The following SPATS2 variants were observed in gnomAD, a reference collection of about 807,000 sequenced individuals.
SPATS2 encodes the protein spermatogenesis-associated serine-rich protein 2.
A neutral mutation model predicts 63.7 loss-of-function variants in SPATS2; 38 were observed. The ratio of observed to expected loss-of-function variants is 0.60; its 90% CI spans 0.46 to 0.78. The LOEUF (loss-of-function observed/expected upper bound fraction) is 0.78, where lower values mean the gene tolerates loss of function less well. SPATS2 is among the 30% of genes least tolerant of loss of function. The pLI, the probability that SPATS2 is intolerant of heterozygous loss-of-function variation, is 0.00. For synonymous variants in SPATS2, 207 were observed against 232.9 expected, an observed-to-expected ratio of 0.89 and a Z score of 1.01; for missense variants, 588 against 666.2, an observed-to-expected ratio of 0.88 and a Z score of 1.29.
chr12:49,494,672 T>C, intron 6 of SPATS2, 69 bp from the exon 7 acceptor site: 1 of 1,402,078 alleles, frequency 7.1e-7, no homozygotes. Context: ...TAGCTAGAGT[T>C]ACCTCTCTAG....
chr12:49,513,135 A>G lies in SPATS2; in HGVS notation c.840-1420A>G, dbSNP rs779187835. ...TAGACATTTTTGTATGTCTCACACT[A>G]TAGTCTCCACATTAACTACTTTGTG... On this transcript the variant is annotated intron_variant, in intron 9 of 13. Transcript: ENST00000552918. Among the ~76,000 whole-genome samples, 15 of 152,300 alleles carry G rather than the reference A, an allele frequency of 9.8e-5. No individual in the cohort carries two copies. The South Asian group carries it at 1.5e-3, about 15-fold the overall frequency.
chr12:49,459,003 A>G (rs1408389781), intron 2 of SPATS2, among the ~76,000 whole-genome samples: 1 of 152,176 alleles, frequency 6.6e-6, no homozygotes, highest in Non-Finnish European at 1.5e-5. Flanking sequence ...AAATCTAAGT[A>G]CTGGCAGCTG....
At chr12:49,491,808 G>A (rs1227443302) in intron 6 of SPATS2, among the ~76,000 whole-genome samples, 3 of 152,126 alleles carry the variant, frequency 2.0e-5, no homozygotes, top group African/African-American at 7.2e-5. Context: ...AAAATCAGAT[G>A]CTTTTCCCAA....
At chr12:49,417,937 G>C (rs1944915238) in intron 2 of SPATS2, among the ~76,000 whole-genome samples, 2 of 152,216 alleles carry the variant, frequency 1.3e-5, no homozygotes, top group African/African-American at 4.8e-5. Context: ...CAGTAGTGCA[G>C]TGGTATGATT....
intron 2 of SPATS2, among the ~76,000 whole-genome samples, chr12:49,437,681 C>A (rs892772229): frequency 2.0e-5 from 3 of 152,230 alleles, no homozygotes; most frequent in Non-Finnish European, 4.4e-5. Flanking sequence ...ATACGAAAAC[C>A]AGTCAGGCAT....
In SPATS2 at chr12:49,415,048, T is replaced by C. The variant is rs972916654; in HGVS notation, c.-244+43758T>C. Among the ~76,000 whole-genome samples, 3 of 151,162 alleles carry C rather than the reference T, an allele frequency of 2.0e-5. No individual in the cohort carries two copies. The East Asian group carries it at 5.8e-4, about 29-fold the overall frequency. On this transcript the variant is annotated intron_variant, in intron 2 of 13. Transcript: ENST00000552918. ...TCTGCCTCCCGCATTCAAGTGATTC[T>C]CCTGCCTTAGCCTCCCGAGTAGAGG...
chr12:49,498,159 T>G (rs1592459724), intron 8 of SPATS2, among the ~76,000 whole-genome samples: 1 of 143,772 alleles, frequency 7.0e-6, no homozygotes, highest in East Asian at 2.0e-4. Flanking sequence ...TATATATATA[T>G]ATATATATAT....
At position 49,516,160 on chromosome 12, in the gene SPATS2, AAAAAAAATATATATAT is replaced by A. The variant is rs1331866299; in HGVS notation, c.898+1549_898+1564del. On this transcript the variant is annotated intron_variant, in intron 10 of 13. Coordinates refer to ENST00000552918, the MANE Select transcript of SPATS2 (RefSeq NM_023071.4). ...TCTCAAAAAAAAAAAAAAAAAAAAA[AAAAAAAATATATATAT>A]ATATATATATATATATATATATATA... Among the ~76,000 whole-genome samples, 50 of 29,884 alleles carry A rather than the reference AAAAAAAATATATATAT, an allele frequency of 1.7e-3. 5 individuals carry two copies. The highest frequency in any genetic ancestry group is 0.012 in the African/African-American group (50 of 4,148). The allele number at this position is 29,884 out of a possible 152,430, so 19.6% of individuals were successfully genotyped here.
intron 2 of SPATS2, among the ~76,000 whole-genome samples, chr12:49,393,112 T>C (rs906667447): frequency 2.0e-5 from 3 of 152,150 alleles, no homozygotes; most frequent in African/African-American, 7.2e-5. Flanking sequence ...ACCTTAATTA[T>C]GCCAATTGGA....
chr12:49,447,129 C>A (rs1945526648), intron 2 of SPATS2, among the ~76,000 whole-genome samples: 1 of 151,996 alleles, frequency 6.6e-6, no homozygotes, highest in African/African-American at 2.4e-5. Context: ...AGGGTTTTGC[C>A]ATATTGGCCA....
At chr12:49,444,180 G>T (rs530204002) in intron 2 of SPATS2, among the ~76,000 whole-genome samples, 4 of 149,808 alleles carry the variant, frequency 2.7e-5, no homozygotes, top group Non-Finnish European at 4.4e-5. Flanking sequence ...TTGTACATCT[G>T]TTATTTTTAT....
chr12:49,395,378 A>G (rs964277299), intron 2 of SPATS2, among the ~76,000 whole-genome samples: 2 of 150,778 alleles, frequency 1.3e-5, no homozygotes, highest in African/African-American at 2.4e-5. Flanking sequence ...GAAAGTAAAT[A>G]TCTTTGTGTT....
At chr12:49,462,490 C>T (rs1020638213) in intron 3 of SPATS2, 2 of 699,172 alleles carry the variant, frequency 2.9e-6, no homozygotes, top group African/African-American at 3.5e-5. Flanking sequence ...GCTCAGTGGG[C>T]CCTTTCCCCC....
chr12:49,371,771 C>G (rs1944001897), intron 2 of SPATS2, among the ~76,000 whole-genome samples: 1 of 152,016 alleles, frequency 6.6e-6, no homozygotes, highest in Non-Finnish European at 1.5e-5. Context: ...AAGTGCTACA[C>G]ACGTTTAAAC....
At chr12:49,378,700 A>G (rs112540028) in intron 2 of SPATS2, among the ~76,000 whole-genome samples, 5 of 152,148 alleles carry the variant, frequency 3.3e-5, no homozygotes, top group African/African-American at 4.8e-5. Flanking sequence ...GGGTCAGGCA[A>G]TCCCCTTGCC....
intron 9 of SPATS2, among the ~76,000 whole-genome samples, chr12:49,510,907 C>A (rs1455977809): frequency 6.6e-6 from 1 of 152,124 alleles, no homozygotes; most frequent in African/African-American, 2.4e-5. Context: ...TTCTGAGCAA[C>A]TAAATTATGC....
chr12:49,417,433 G>A (rs1488353234), intron 2 of SPATS2, among the ~76,000 whole-genome samples: 1 of 152,230 alleles, frequency 6.6e-6, no homozygotes, highest in African/African-American at 2.4e-5. Context: ...AGACTGTAAA[G>A]CAGGTTAGAA....
intron 2 of SPATS2, among the ~76,000 whole-genome samples, chr12:49,371,653 T>C (rs1943999195): frequency 6.6e-6 from 1 of 152,064 alleles, no homozygotes; most frequent in Non-Finnish European, 1.5e-5. Context: ...ACAGGAAGCA[T>C]AGCAGCTTCT....
At chr12:49,456,459 G>C (rs1945721124) in intron 2 of SPATS2, among the ~76,000 whole-genome samples, 1 of 152,232 alleles carries the variant, frequency 6.6e-6, no homozygotes. Context: ...CATCAGAACA[G>C]ACAAGACTAC....
Sources: gnomAD v4.1 joint callset for allele counts (sites outside exome capture counted in the v4.1 genomes callset) on GRCh38, gnomAD v4.1.1 for gene constraint, MANE v1.5 for transcripts, NCBI Gene and HGNC (gene_info 2026-07-23, HGNC 2026-07-21) for gene names.